The following COL13A1 variants were observed in gnomAD, a reference collection of about 807,000 sequenced individuals.
COL13A1 encodes collagen alpha-1(XIII) chain.
COL13A1 carries 89 observed loss-of-function variants against 130.9 expected under a neutral mutation model. The observed-to-expected ratio is 0.68, with a 90% CI of 0.57 to 0.81. The LOEUF (loss-of-function observed/expected upper bound fraction) is 0.81, where lower values mean the gene tolerates loss of function less well. COL13A1 is among the 30% of genes least tolerant of loss of function. The probability of loss-of-function intolerance (pLI) is 0.00; values close to 1 mark genes in which losing one functional copy is unlikely to be tolerated. For synonymous variants in COL13A1, 402 were observed against 341.6 expected, an observed-to-expected ratio of 1.18 and a Z score of -1.95; for missense variants, 879 against 934.6, an observed-to-expected ratio of 0.94 and a Z score of 0.78.
At position 69,846,365 on chromosome 10, in the gene COL13A1, AC is replaced by A. The variant is rs544638998; in HGVS notation, c.365-21430del. Reference sequence around the variant, plus strand: ...TTTTCAGCCCAGCTGCTTGGACATAACCCGAGCTGGGGTTGGGGTTGGGGGG... The same window carrying A: ...TTTTCAGCCCAGCTGCTTGGACATAACCGAGCTGGGGTTGGGGTTGGGGGG... On this transcript the variant is annotated intron_variant, in intron 2 of 40. Coordinates refer to ENST00000645393, the MANE Select transcript of COL13A1 (RefSeq NM_001368882.1). 1.4e-4 allele frequency among the ~76,000 whole-genome samples: 20 copies of A among 145,700 alleles called. No homozygotes were observed. In the East Asian group the frequency reaches 4.3e-3, roughly 31 times the overall value.
chr10:69,902,693 G>T, intron 14 of COL13A1, 55 bp from the exon 15 acceptor site: 1 of 1,443,162 alleles, frequency 6.9e-7, no homozygotes, highest in Non-Finnish European at 9.4e-7. Context: ...GAGGGTGGGG[G>T]ACGGTCTGCA....
At chr10:69,905,104 AC>A in intron 16 of COL13A1, 145 bp downstream of exon 16, 2 of 917,346 alleles carry the variant, frequency 2.2e-6, no homozygotes, top group Non-Finnish European at 3.3e-6. Context: ...CTTACAAAAC[AC>A]CACCCTTCTC....
chr10:69,881,913 T>C (rs1031944816), intron 7 of COL13A1, among the ~76,000 whole-genome samples: 1 of 152,248 alleles, frequency 6.6e-6, no homozygotes, highest in South Asian at 2.1e-4. Context: ...CACTGGTAGC[T>C]GATCATTCAG....
At chr10:69,958,299 C>T (rs998126422) in intron 40 of COL13A1, among the ~76,000 whole-genome samples, 6 of 152,176 alleles carry the variant, frequency 3.9e-5, no homozygotes, top group Non-Finnish European at 7.3e-5. Flanking sequence ...GGTTAGGAGA[C>T]AGAAATGGTT....
intron 2 of COL13A1, among the ~76,000 whole-genome samples, chr10:69,827,168 A>G (rs1157320409): frequency 6.6e-6 from 1 of 152,210 alleles, no homozygotes; most frequent in Non-Finnish European, 1.5e-5. Context: ...AGCAAGAAAA[A>G]GGCAGTAAGT....
At chr10:69,838,787 C>T (rs367985617) in intron 2 of COL13A1, among the ~76,000 whole-genome samples, 15 of 152,354 alleles carry the variant, frequency 9.8e-5, no homozygotes, top group African/African-American at 3.6e-4. Context: ...TTCAGATCCA[C>T]CTTGGGAAAT....
At chr10:69,870,534 T>C (rs1352531293) in intron 3 of COL13A1, among the ~76,000 whole-genome samples, 1 of 151,362 alleles carries the variant, frequency 6.6e-6, no homozygotes, top group Non-Finnish European at 1.5e-5. Flanking sequence ...TTGCCCAGGC[T>C]GGTCATGAAC....
chr10:69,846,996 C>T (rs1853328558), intron 2 of COL13A1, among the ~76,000 whole-genome samples: 1 of 152,220 alleles, frequency 6.6e-6, no homozygotes, highest in African/African-American at 2.4e-5. Context: ...CTGAAGTTAG[C>T]CAAATCCCAG....
chr10:69,803,094 G>T (rs1238071801), intron 1 of COL13A1, among the ~76,000 whole-genome samples: 1 of 152,204 alleles, frequency 6.6e-6, no homozygotes, highest in Non-Finnish European at 1.5e-5. Context: ...CCCGCGCAGC[G>T]GCAAGCGCGC....
At chr10:69,835,244 G>T (rs1160521649) in intron 2 of COL13A1, among the ~76,000 whole-genome samples, 1 of 152,162 alleles carries the variant, frequency 6.6e-6, no homozygotes, top group Non-Finnish European at 1.5e-5. Context: ...TTCTGCCACA[G>T]TGACGCTAAA....
At chr10:69,861,856 G>A (rs1161319272) in intron 2 of COL13A1, among the ~76,000 whole-genome samples, 11 of 152,200 alleles carry the variant, frequency 7.2e-5, no homozygotes, top group African/African-American at 2.4e-4. Context: ...CTTCTCCCAG[G>A]ACCTGTTATA....
intron 34 of COL13A1, among the ~76,000 whole-genome samples, chr10:69,940,716 G>A (rs965224632): frequency 2.0e-5 from 3 of 152,186 alleles, no homozygotes; most frequent in African/African-American, 7.2e-5. Flanking sequence ...GGAGAAGGGG[G>A]GCGGGAGGAG....
chr10:69,897,421 C>G, intron 13 of COL13A1: 2 of 1,585,758 alleles, frequency 1.3e-6, no homozygotes, highest in Non-Finnish European at 1.7e-6. Flanking sequence ...GTGGGCTCTC[C>G]CCTCACGGTC....
intron 5 of COL13A1, 118 bp from the exon 6 acceptor site, chr10:69,877,921 C>T (rs2059762943): frequency 1.5e-6 from 1 of 658,126 alleles, no homozygotes; most frequent in South Asian, 1.6e-5. Flanking sequence ...GTGATTTCTT[C>T]TGTTTGGTTG....
chr10:69,919,325 CA>C (rs900908030), intron 20 of COL13A1, among the ~76,000 whole-genome samples: 30 of 152,178 alleles, frequency 2.0e-4, no homozygotes, highest in African/African-American at 7.2e-4. Flanking sequence ...CCTGCACCCA[CA>C]GGGTTCTCTT....
chr10:69,904,997 A>G (rs913715652), intron 16 of COL13A1, 38 bp downstream of exon 16: 3 of 1,550,008 alleles, frequency 1.9e-6, no homozygotes, highest in African/African-American at 2.8e-5. Context: ...AACAGGTGGG[A>G]GAATTCCCTG....
intron 1 of COL13A1, among the ~76,000 whole-genome samples, chr10:69,813,657 C>T (rs1843660865): frequency 6.6e-6 from 1 of 152,138 alleles, no homozygotes; most frequent in Admixed American, 6.5e-5. Context: ...CCCCAGCACA[C>T]AGGCCCCTGC....
chr10:69,807,307 C>T lies in COL13A1; in HGVS notation c.294+4590C>T, dbSNP rs56373807. 7.2e-3 allele frequency among the ~76,000 whole-genome samples: 1,102 copies of T among 152,306 alleles called. 8 individuals are homozygous for T. Among genetic ancestry groups the T allele is most frequent in the Admixed American group, 0.015 (223 of 15,304 alleles). On this transcript the variant is annotated intron_variant, in intron 1 of 40. Transcript: ENST00000645393. ...GACTGATGTCACTGTACCTCCCTCCCACTATCTGTGATTCATTCCTTTGGA... is the reference window on the plus strand; with the variant it reads ...GACTGATGTCACTGTACCTCCCTCCTACTATCTGTGATTCATTCCTTTGGA...
chr10:69,921,802 C>T (rs368740866), intron 21 of COL13A1, 80 bp from the exon 22 acceptor site: 1 of 1,542,986 alleles, frequency 6.5e-7, no homozygotes, highest in Non-Finnish European at 8.8e-7. Context: ...AGGCAAGGCC[C>T]TAAGCTGTGG....
Sources: allele counts gnomAD v4.1 joint callset (sites outside exome capture counted in the v4.1 genomes callset), GRCh38; gene constraint gnomAD v4.1.1; transcripts MANE v1.5; gene names NCBI Gene and HGNC (gene_info 2026-07-23, HGNC 2026-07-21).